Variants in CELF4 observed in about 807,000 individuals in gnomAD.
CELF4 encodes CUGBP Elav-like family member 4.
Under a neutral mutation model 59.9 loss-of-function variants are expected in CELF4, and 18 were observed. That is an observed-to-expected ratio of 0.30 (90% confidence interval 0.21 to 0.45). The LOEUF is 0.45. CELF4 is among the 20% of genes least tolerant of loss of function. CELF4 has a pLI of 1.00. For missense variants in CELF4, 456 were observed against 689.0 expected, an observed-to-expected ratio of 0.66 and a Z score of 3.79; for synonymous variants, 261 against 267.1, an observed-to-expected ratio of 0.98 and a Z score of 0.22.
At chr18:37,272,150 C>T (rs2091555127) in intron 7 of CELF4, among the ~76,000 whole-genome samples, 1 of 152,198 alleles carries the variant, frequency 6.6e-6, no homozygotes, top group African/African-American at 2.4e-5. Context: ...GCCAAGGAAG[C>T]TCAGTGAATA....
chr18:37,299,457 C>A (rs1468144466), intron 3 of CELF4, among the ~76,000 whole-genome samples: 1 of 152,050 alleles, frequency 6.6e-6, no homozygotes, highest in Non-Finnish European at 1.5e-5. Flanking sequence ...CCGGGCAGAA[C>A]TGGGACAGGA....
intron 2 of CELF4, among the ~76,000 whole-genome samples, chr18:37,333,372 C>T (rs1482746038): frequency 2.0e-5 from 3 of 151,394 alleles, no homozygotes; most frequent in East Asian, 3.9e-4. Flanking sequence ...CCCTCCTCTC[C>T]CTTCTTCCCC....
chr18:37,430,650 T>C (rs1478434253), intron 2 of CELF4, among the ~76,000 whole-genome samples: 3 of 152,208 alleles, frequency 2.0e-5, no homozygotes, highest in Non-Finnish European at 4.4e-5. Context: ...AGTGTGTGCA[T>C]CTAGCTTCCT....
chr18:37,522,877 C>T (rs1238241560), intron 1 of CELF4, among the ~76,000 whole-genome samples: 1 of 152,162 alleles, frequency 6.6e-6, no homozygotes, highest in Non-Finnish European at 1.5e-5. Flanking sequence ...CTTCCCTACC[C>T]ATCCACCCTC....
In CELF4 at chr18:37,277,533, G is replaced by T. The variant is rs549343096; in HGVS notation, c.449-2290C>A. Among the ~76,000 whole-genome samples, 6 of 152,314 alleles carry T rather than the reference G, an allele frequency of 3.9e-5. No individual in the cohort carries two copies. In the South Asian group the frequency reaches 1.2e-3, roughly 32 times the overall value. ...AGGAGATAGAGTTCAGCGCAGAAAG[G>T]GAGTGGGGGAGAGAAAATGGCAGGA... On this transcript the variant is annotated intron_variant, in intron 3 of 12. Transcript: ENST00000420428.
intron 11 of CELF4, 75 bp downstream of exon 11, chr18:37,259,106 G>A (rs755210896): frequency 1.9e-5 from 31 of 1,607,842 alleles, no homozygotes; most frequent in Non-Finnish European, 2.5e-5. Context: ...TAATTGGTTT[G>A]TTATCTTTAC....
chr18:37,538,532 T>C (rs1017333125), intron 1 of CELF4, among the ~76,000 whole-genome samples: 2 of 152,158 alleles, frequency 1.3e-5, no homozygotes, highest in African/African-American at 4.8e-5. Context: ...CACAACGCTG[T>C]CTTTACCCAG....
chr18:37,534,621 C>T (rs1413686340), intron 1 of CELF4, among the ~76,000 whole-genome samples: 1 of 152,148 alleles, frequency 6.6e-6, no homozygotes, highest in Non-Finnish European at 1.5e-5. Context: ...TCAATTCCTG[C>T]ATTCAACCGA....
At chr18:37,349,168 G>T (rs2098380318) in intron 2 of CELF4, among the ~76,000 whole-genome samples, 1 of 152,250 alleles carries the variant, frequency 6.6e-6, no homozygotes, top group Admixed American at 6.5e-5. Flanking sequence ...ACAGTGTTCG[G>T]AAACTCAGAG....
intron 2 of CELF4, among the ~76,000 whole-genome samples, chr18:37,390,802 C>CGGGGGGGGG (rs1557404633): frequency 3.5e-5 from 2 of 57,842 alleles, no homozygotes; most frequent in Non-Finnish European, 3.2e-5. Flanking sequence ...GGTGATGGGG[C>CGGGGGGGGG]GGGGAGGGGG....
chr18:37,485,856 C>T, intron 1 of CELF4: 1 of 336,410 alleles, frequency 3.0e-6, no homozygotes, highest in African/African-American at 2.1e-5. Flanking sequence ...CTGCATCTTC[C>T]CCCCACCACA....
chr18:37,530,316 T>C (rs1469214363), intron 1 of CELF4, among the ~76,000 whole-genome samples: 1 of 152,144 alleles, frequency 6.6e-6, no homozygotes, highest in African/African-American at 2.4e-5. Context: ...GGAACTTGTG[T>C]AAGGTCTCTG....
chr18:37,536,640 G>A (rs2099973745), intron 1 of CELF4, among the ~76,000 whole-genome samples: 1 of 152,182 alleles, frequency 6.6e-6, no homozygotes, highest in South Asian at 2.1e-4. Context: ...AGTGGGGGAG[G>A]TGGTGGCCCA....
At chr18:37,416,785 G>A (rs1189022661) in intron 2 of CELF4, among the ~76,000 whole-genome samples, 14 of 152,172 alleles carry the variant, frequency 9.2e-5, no homozygotes, top group Non-Finnish European at 1.5e-4. Context: ...TGGGCTGCAC[G>A]CTCCCTGTTG....
chr18:37,482,490 T>A (rs895514131), intron 2 of CELF4, among the ~76,000 whole-genome samples: 4 of 152,168 alleles, frequency 2.6e-5, no homozygotes, highest in Non-Finnish European at 5.9e-5. Context: ...AAAATAATAA[T>A]CCATTTGTGC....
intron 2 of CELF4, among the ~76,000 whole-genome samples, chr18:37,353,138 T>C (rs984455931): frequency 1.3e-5 from 2 of 150,286 alleles, no homozygotes; most frequent in Non-Finnish European, 3.0e-5. Context: ...GGAGAATTGC[T>C]TGAACCCGGG....
intron 3 of CELF4, among the ~76,000 whole-genome samples, chr18:37,281,217 C>T (rs1452594267): frequency 1.3e-5 from 2 of 152,212 alleles, no homozygotes; most frequent in Non-Finnish European, 2.9e-5. Flanking sequence ...TCTTGCTGGC[C>T]GGGCAGGGTG....
chr18:37,391,673 G>C (rs900255358), intron 2 of CELF4, among the ~76,000 whole-genome samples: 2 of 152,172 alleles, frequency 1.3e-5, no homozygotes, highest in Non-Finnish European at 2.9e-5. Context: ...ATAAATGCTG[G>C]CTGGTCCACG....
At chr18:37,354,994 C>T (rs2098539391) in intron 2 of CELF4, among the ~76,000 whole-genome samples, 1 of 152,196 alleles carries the variant, frequency 6.6e-6, no homozygotes, top group Non-Finnish European at 1.5e-5. Context: ...GAGCAGGGCT[C>T]TGAGGGTATG....
Sources: gnomAD v4.1 joint callset for allele counts (sites outside exome capture counted in the v4.1 genomes callset) on GRCh38, gnomAD v4.1.1 for gene constraint, MANE v1.5 for transcripts, NCBI Gene and HGNC (gene_info 2026-07-23, HGNC 2026-07-21) for gene names.